The following ARHGAP26 variants were observed in gnomAD, a reference collection of about 807,000 sequenced individuals.
The protein encoded by ARHGAP26 is rho GTPase-activating protein 26.
Under a neutral mutation model 104.8 loss-of-function variants are expected in ARHGAP26, and 38 were observed. The observed-to-expected ratio is 0.36, with a 90% CI of 0.28 to 0.48. The LOEUF is 0.48. Among genes scored for constraint, ARHGAP26 ranks in the 20% least tolerant of loss-of-function variants. The pLI is 0.99. For missense variants in ARHGAP26, 704 were observed against 947.9 expected, an observed-to-expected ratio of 0.74 and a Z score of 3.38; for synonymous variants, 341 against 340.0, an observed-to-expected ratio of 1.00 and a Z score of -0.03.
chr5:142,817,765 C>T (rs563309197), intron 1 of ARHGAP26, among the ~76,000 whole-genome samples: 12 of 152,242 alleles, frequency 7.9e-5, no homozygotes, highest in African/African-American at 2.9e-4. Flanking sequence ...CACTGTTTGC[C>T]CCTGCTGCAG....
chr5:142,952,241 G>A (rs564327752), intron 11 of ARHGAP26, among the ~76,000 whole-genome samples: 17 of 152,204 alleles, frequency 1.1e-4, no homozygotes, highest in African/African-American at 4.1e-4. Context: ...GCCACCATTC[G>A]ACCCACTAGA....
intron 11 of ARHGAP26, among the ~76,000 whole-genome samples, chr5:143,005,957 T>C (rs972791096): frequency 6.6e-6 from 1 of 152,164 alleles, no homozygotes; most frequent in Non-Finnish European, 1.5e-5. Flanking sequence ...CAGAACCCCT[T>C]TCTTAGCCCT....
intron 1 of ARHGAP26, among the ~76,000 whole-genome samples, chr5:142,824,805 C>T (rs1766900816): frequency 6.6e-6 from 1 of 152,144 alleles, no homozygotes; most frequent in African/African-American, 2.4e-5. Context: ...GGCAGGGCAC[C>T]AAGAGTGCCA....
At chr5:142,858,094 T>TGTGTGTGTGAGA (rs1424264346) in intron 1 of ARHGAP26, among the ~76,000 whole-genome samples, 26 of 127,170 alleles carry the variant, frequency 2.0e-4, no homozygotes, top group Admixed American at 9.9e-4. Flanking sequence ...TGTGTGTGTG[T>TGTGTGTGTGAGA]GAGAGAGAGA....
chr5:142,859,040 G>C (rs1402689374), intron 1 of ARHGAP26, among the ~76,000 whole-genome samples: 2 of 152,304 alleles, frequency 1.3e-5, no homozygotes, highest in East Asian at 3.9e-4. Context: ...TGCAGACGAG[G>C]TAGATTTTGT....
chr5:143,221,424 CAAAAA>C (rs56114785), intron 22 of ARHGAP26, among the ~76,000 whole-genome samples: 3 of 83,626 alleles, frequency 3.6e-5, no homozygotes, highest in Non-Finnish European at 7.7e-5. Flanking sequence ...TGACAGCAAC[CAAAAA>C]AAAAAAAAAA....
At chr5:143,165,479 A>G (rs941020408) in intron 20 of ARHGAP26, 1 of 152,252 alleles carries the variant, frequency 6.6e-6, no homozygotes, top group African/African-American at 2.4e-5. Context: ...AGTCTTCCAC[A>G]GTATTAAGAG....
intron 17 of ARHGAP26, chr5:143,103,142 T>C (rs1793497194): frequency 1.7e-6 from 1 of 590,810 alleles, no homozygotes; most frequent in South Asian, 7.4e-5. Context: ...CATCCTTGCC[T>C]GGTATGTCGT....
At chr5:143,022,131 G>T (rs1171860580) in intron 12 of ARHGAP26, among the ~76,000 whole-genome samples, 1 of 152,150 alleles carries the variant, frequency 6.6e-6, no homozygotes, top group Non-Finnish European at 1.5e-5. Flanking sequence ...GAGTGCAGTG[G>T]TGTGATCACG....
intron 1 of ARHGAP26, among the ~76,000 whole-genome samples, chr5:142,812,550 C>T (rs1764307189): frequency 6.6e-6 from 1 of 152,064 alleles, no homozygotes; most frequent in South Asian, 2.1e-4. Context: ...GTTGGCCAGG[C>T]TGGTCTCGAA....
At chr5:143,010,910 T>G (rs182121256) in intron 11 of ARHGAP26, 1 of 152,254 alleles carries the variant, frequency 6.6e-6, no homozygotes, top group South Asian at 2.1e-4. Flanking sequence ...CAAGGATGGC[T>G]GAAGAAAAAT....
At chr5:142,870,675 T>C (rs781364179) in intron 1 of ARHGAP26, among the ~76,000 whole-genome samples, 13 of 152,228 alleles carry the variant, frequency 8.5e-5, no homozygotes, top group Non-Finnish European at 1.8e-4. Flanking sequence ...CTATACAGTG[T>C]TTCTCACTGG....
At chr5:142,897,349 C>G (rs1442700148) in intron 6 of ARHGAP26, among the ~76,000 whole-genome samples, 1 of 152,180 alleles carries the variant, frequency 6.6e-6, no homozygotes, top group African/African-American at 2.4e-5. Context: ...TGCTGAGAGG[C>G]TGGATATAGG....
intron 1 of ARHGAP26, among the ~76,000 whole-genome samples, chr5:142,806,043 G>C (rs1265426139): frequency 1.3e-5 from 2 of 152,176 alleles, no homozygotes; most frequent in Admixed American, 1.3e-4. Flanking sequence ...GCAAAGGTGT[G>C]TGTCTTATTC....
intron 1 of ARHGAP26, among the ~76,000 whole-genome samples, chr5:142,828,054 A>G (rs1767645164): frequency 6.6e-6 from 1 of 152,214 alleles, no homozygotes. Context: ...TACGCACGCT[A>G]TTCAGAGGGA....
At chr5:142,816,939 G>A (rs1765254383) in intron 1 of ARHGAP26, among the ~76,000 whole-genome samples, 1 of 152,108 alleles carries the variant, frequency 6.6e-6, no homozygotes. Flanking sequence ...GGGAAGAAGA[G>A]GGCTTACGGA....
At chr5:143,103,969 A>G (rs776519784) in intron 17 of ARHGAP26, among the ~76,000 whole-genome samples, 1 of 151,922 alleles carries the variant, frequency 6.6e-6, no homozygotes, top group South Asian at 2.1e-4. Flanking sequence ...ACAATGGAAT[A>G]TTATTCAACC....
At chr5:142,890,144 AAAAAAAAATATAT>A (rs1472178149) in intron 5 of ARHGAP26, among the ~76,000 whole-genome samples, 38 of 89,166 alleles carry the variant, frequency 4.3e-4, no homozygotes, top group Admixed American at 7.0e-4. Context: ...CTTAAAAAAA[AAAAAAAAATATAT>A]ATATATATAT....
At position 143,226,940 on chromosome 5, in the gene ARHGAP26, C is replaced by T. The variant is rs2151444738; in HGVS notation, c.*4494C>T. Reference sequence around the variant, plus strand: ...CGGCTCAAAGGGAAGGCCTTCTATCCCCTGAGTTTCTATCAGCTGAAAATG... The same window carrying T: ...CGGCTCAAAGGGAAGGCCTTCTATCTCCTGAGTTTCTATCAGCTGAAAATG... On this transcript the variant is annotated 3_prime_UTR_variant, in exon 23 of 23. Transcript: ENST00000645722. 1 of 227,494 alleles carries T rather than the reference C, an allele frequency of 4.4e-6. No individual in the cohort carries two copies. The highest frequency in any genetic ancestry group is 1.8e-4 in the South Asian group (1 of 5,478). The allele number at this position is 227,494 out of a possible 1,614,324, so 14.1% of individuals were successfully genotyped here. A position where few individuals can be genotyped will look rare whatever the true frequency, so the allele number is the denominator to read the frequency against.
Sources: allele counts gnomAD v4.1 joint callset (sites outside exome capture counted in the v4.1 genomes callset), GRCh38; gene constraint gnomAD v4.1.1; transcripts MANE v1.5; gene names NCBI Gene and HGNC (gene_info 2026-07-23, HGNC 2026-07-21).